The following HS2ST1 variants were observed in gnomAD, a reference collection of about 807,000 sequenced individuals.
HS2ST1 encodes the protein heparan sulfate 2-O-sulfotransferase 1.
HS2ST1 carries 18 observed loss-of-function variants against 42.9 expected under a neutral mutation model. The ratio of observed to expected loss-of-function variants is 0.42; its 90% confidence interval spans 0.29 to 0.62. The LOEUF is 0.62. HS2ST1 is among the 20% of genes least tolerant of loss of function. The pLI is 0.21. For synonymous variants in HS2ST1, 146 were observed against 152.9 expected, an observed-to-expected ratio of 0.95 and a Z score of 0.33; for missense variants, 334 against 433.8, an observed-to-expected ratio of 0.77 and a Z score of 2.04.
chr1:86,946,550 G>A (rs2102181225), intron 1 of HS2ST1, among the ~76,000 whole-genome samples: 1 of 152,310 alleles, frequency 6.6e-6, no homozygotes, highest in Non-Finnish European at 1.5e-5. Context: ...GATATAGATG[G>A]TCGCATAACA....
chr1:87,038,034 A>G (rs1650425616), intron 1 of HS2ST1, among the ~76,000 whole-genome samples: 1 of 152,098 alleles, frequency 6.6e-6, no homozygotes, highest in Non-Finnish European at 1.5e-5. Flanking sequence ...ATTGTTAATG[A>G]TTAATGTACT....
chr1:87,075,321 C>T (rs1651513308), intron 2 of HS2ST1, among the ~76,000 whole-genome samples: 1 of 151,888 alleles, frequency 6.6e-6, no homozygotes, highest in South Asian at 2.1e-4. Context: ...CATGCGCCAC[C>T]ACGCCCAGCT....
intron 1 of HS2ST1, among the ~76,000 whole-genome samples, chr1:86,961,945 T>G (rs188660598): frequency 1.7e-4 from 26 of 150,672 alleles, no homozygotes; most frequent in East Asian, 3.9e-4. Context: ...TATATTTGAG[T>G]TTTTTTTATG....
chr1:86,972,508 C>T (rs1648261629), intron 1 of HS2ST1, among the ~76,000 whole-genome samples: 3 of 152,270 alleles, frequency 2.0e-5, no homozygotes, highest in South Asian at 4.2e-4. Context: ...AACCACCACA[C>T]CTGGCTATTT....
At chr1:86,949,278 T>C (rs1454049317) in intron 1 of HS2ST1, among the ~76,000 whole-genome samples, 2 of 152,090 alleles carry the variant, frequency 1.3e-5, no homozygotes, top group African/African-American at 4.8e-5. Context: ...CCGTCTAATT[T>C]TTGTATTTTT....
intron 5 of HS2ST1, chr1:87,098,192 T>C: frequency 9.3e-6 from 10 of 1,071,394 alleles, no homozygotes; most frequent in Non-Finnish European, 1.1e-5. Context: ...GTGTTATGTT[T>C]TGCTGTATTC....
chr1:86,938,213 C>T (rs896533667), intron 1 of HS2ST1, among the ~76,000 whole-genome samples: 1 of 152,020 alleles, frequency 6.6e-6, no homozygotes, highest in African/African-American at 2.4e-5. Flanking sequence ...CTTTTTCCCC[C>T]AGAAGTTCTG....
intron 1 of HS2ST1, among the ~76,000 whole-genome samples, chr1:86,964,451 C>A (rs1247071014): frequency 6.6e-6 from 1 of 152,224 alleles, no homozygotes; most frequent in Non-Finnish European, 1.5e-5. Flanking sequence ...GCCCGGCCAA[C>A]ACAGCGAAAC....
At chr1:86,963,225 C>T (rs1299968959) in intron 1 of HS2ST1, among the ~76,000 whole-genome samples, 1 of 150,294 alleles carries the variant, frequency 6.7e-6, no homozygotes, top group African/African-American at 2.5e-5. Flanking sequence ...TTGGCAGGGT[C>T]ATAGGACAAT....
At chr1:86,966,022 G>A (rs1313009592) in intron 1 of HS2ST1, among the ~76,000 whole-genome samples, 1 of 152,236 alleles carries the variant, frequency 6.6e-6, no homozygotes, top group East Asian at 1.9e-4. Flanking sequence ...TTCTGCATGA[G>A]TTTGGCCATT....
chr1:87,014,094 GCTT>G (rs1307648531), intron 1 of HS2ST1, among the ~76,000 whole-genome samples: 1 of 152,188 alleles, frequency 6.6e-6, no homozygotes, highest in Non-Finnish European at 1.5e-5. Context: ...TTTCAAAGTA[GCTT>G]CCACATTTGT....
intron 1 of HS2ST1, among the ~76,000 whole-genome samples, chr1:87,011,667 C>G (rs1649601021): frequency 6.6e-6 from 1 of 152,166 alleles, no homozygotes; most frequent in Admixed American, 6.5e-5. Flanking sequence ...TTTTATAGGA[C>G]AGCCATCTGT....
chr1:86,929,165 ATGTT>A (rs770388085), intron 1 of HS2ST1, among the ~76,000 whole-genome samples: 1 of 151,910 alleles, frequency 6.6e-6, no homozygotes, highest in African/African-American at 2.4e-5. Context: ...GAGATAATGA[ATGTT>A]TGTACAAACA....
chr1:86,964,155 A>G (rs1647961515), intron 1 of HS2ST1, among the ~76,000 whole-genome samples: 1 of 147,044 alleles, frequency 6.8e-6, no homozygotes, highest in Non-Finnish European at 1.5e-5. Context: ...CCTAGACGGG[A>G]TGGCGGCCGG....
intron 1 of HS2ST1, among the ~76,000 whole-genome samples, chr1:87,026,107 A>G (rs887861897): frequency 3.9e-5 from 6 of 152,250 alleles, no homozygotes; most frequent in African/African-American, 1.2e-4. Context: ...AAAAGATACT[A>G]GTATTCACAG....
At chr1:87,097,963 G>A in intron 5 of HS2ST1, 28 bp downstream of exon 5, 1 of 1,613,516 alleles carries the variant, frequency 6.2e-7, no homozygotes, top group Non-Finnish European at 8.5e-7. Context: ...GGCTCAGATT[G>A]ATTATCATCC....
At chr1:86,953,870 G>C (rs1339917031) in intron 1 of HS2ST1, among the ~76,000 whole-genome samples, 1 of 151,936 alleles carries the variant, frequency 6.6e-6, no homozygotes, top group East Asian at 1.9e-4. Flanking sequence ...CAATATTGTT[G>C]TATACCCAGG....
At position 87,092,578 on chromosome 1, in the gene HS2ST1, C is replaced by T; in HGVS notation, c.497C>T (p.Pro166Leu). Reference sequence around the variant, plus strand: ...ATTTACATTAATGTCATAAGGGATCCTATTGAGAGGCTAGTTTCTTATTAT... The same window carrying T: ...ATTTACATTAATGTCATAAGGGATCTTATTGAGAGGCTAGTTTCTTATTAT... ...KPIYINVIRD[P>L]IERLVSYYYF... Residue 166 changes from proline to leucine, a missense_variant, in exon 4 of 7, where the codon CCT becomes CTT. Pro to Leu is a moderately conservative substitution (Grantham distance 98). Transcript: ENST00000370550. 1 of 1,586,398 alleles carries T rather than the reference C, an allele frequency of 6.3e-7. No homozygotes were observed. The highest frequency in any genetic ancestry group is 8.6e-7 in the Non-Finnish European group (1 of 1,165,872).
chr1:86,949,347 G>T (rs2102184226), intron 1 of HS2ST1, among the ~76,000 whole-genome samples: 1 of 152,316 alleles, frequency 6.6e-6, no homozygotes, highest in African/African-American at 2.4e-5. Context: ...GACCTCAAGT[G>T]ATCTGCCGGC....
Sources: gnomAD v4.1 joint callset for allele counts (sites outside exome capture counted in the v4.1 genomes callset) on GRCh38, gnomAD v4.1.1 for gene constraint, MANE v1.5 for transcripts, NCBI Gene and HGNC (gene_info 2026-07-23, HGNC 2026-07-21) for gene names.